The following CDC5L variants were observed in gnomAD, a reference collection of about 807,000 sequenced individuals.
CDC5L encodes cell division cycle 5 like, also known as cell division cycle 5-like protein.
A neutral mutation model predicts 104.1 loss-of-function variants in CDC5L; 18 were observed. The ratio of observed to expected loss-of-function variants is 0.17; its 90% CI spans 0.12 to 0.26. CDC5L has a LOEUF of 0.26. Ranked by LOEUF, CDC5L falls within the 10% of genes least tolerant of loss-of-function variation. CDC5L has a pLI of 1.00. For missense variants in CDC5L, 673 were observed against 956.9 expected (o/e 0.70, Z 3.91); for synonymous variants, 331 against 322.7 (o/e 1.03, Z -0.28).
chr6:44,425,869 C>T (rs1461845495), intron 11 of CDC5L, among the ~76,000 whole-genome samples: 3 of 151,748 alleles, frequency 2.0e-5, no homozygotes, highest in East Asian at 3.9e-4. Context: ...TGGATCCATG[C>T]AAGTTTGGAG....
intron 8 of CDC5L, among the ~76,000 whole-genome samples, chr6:44,415,674 A>ATC: frequency 6.6e-6 from 1 of 152,222 alleles, no homozygotes; most frequent in Non-Finnish European, 1.5e-5. Context: ...TTAAGAACAC[A>ATC]TCTCTTGCAC....
At chr6:44,440,998 A>G (rs1267901253) in intron 14 of CDC5L, among the ~76,000 whole-genome samples, 1 of 152,168 alleles carries the variant, frequency 6.6e-6, no homozygotes, top group Non-Finnish European at 1.5e-5. Context: ...GTGAGCCACC[A>G]TGCCCAGCCT....
chr6:44,426,047 T>C, intron 11 of CDC5L, 56 bp from the exon 12 acceptor site: 1 of 1,195,322 alleles, frequency 8.4e-7, no homozygotes, highest in Non-Finnish European at 1.2e-6. Flanking sequence ...TTAGCTTTAC[T>C]GAGAGATATC....
At chr6:44,412,476 C>G (rs547482487) in intron 8 of CDC5L, among the ~76,000 whole-genome samples, 55 of 152,130 alleles carry the variant, frequency 3.6e-4, no homozygotes, top group African/African-American at 1.3e-3. Context: ...ATCTGCCCGC[C>G]TTGGCCTCTC....
chr6:44,438,356 A>G (rs966499266), intron 14 of CDC5L, among the ~76,000 whole-genome samples: 2 of 152,222 alleles, frequency 1.3e-5, no homozygotes, highest in African/African-American at 2.4e-5. Flanking sequence ...TGAGAAAACA[A>G]CTGATACCTA....
intron 3 of CDC5L, 93 bp from the exon 4 acceptor site, chr6:44,393,353 T>TGGG (rs1554157969): frequency 8.2e-7 from 1 of 1,213,412 alleles, no homozygotes; most frequent in Non-Finnish European, 1.2e-6. Flanking sequence ...TTGGTTTTTT[T>TGGG]GGGGGGAAAA....
chr6:44,433,468 A>G (rs927762414), intron 14 of CDC5L, among the ~76,000 whole-genome samples: 3 of 152,206 alleles, frequency 2.0e-5, no homozygotes. Context: ...TGAAATGAGA[A>G]GTCTGAATTT....
Position 44,409,314 on chromosome 6 carries a change from G to A in CDC5L, c.1092+682G>A, listed in dbSNP as rs577869005. 6.2e-4 allele frequency among the ~76,000 whole-genome samples: 94 copies of A among 152,278 alleles called. 1 individual carries two copies. In the South Asian group the frequency reaches 0.018, roughly 30 times the overall value. On this transcript the variant is annotated intron_variant, in intron 8 of 15. Coordinates refer to ENST00000371477, the MANE Select transcript of CDC5L (RefSeq NM_001253.4). ...CCATTTTCAGTTTTAGGCATTATCT[G>A]TTGTTTTTCTACGTAGAATTTGACA... is the stretch of plus-strand genomic sequence containing the variant.
intron 9 of CDC5L, among the ~76,000 whole-genome samples, 189 bp downstream of exon 9, chr6:44,419,786 C>T (rs1372861866): frequency 6.6e-6 from 1 of 152,084 alleles, no homozygotes; most frequent in Non-Finnish European, 1.5e-5. Flanking sequence ...CCCCCCCTTT[C>T]TTTAAGATGG....
At chr6:44,408,719 GTTTC>G in intron 8 of CDC5L, 87 bp downstream of exon 8, 1 of 943,720 alleles carries the variant, frequency 1.1e-6, no homozygotes, top group Non-Finnish European at 1.5e-6. Context: ...GTTTGGTTGT[GTTTC>G]TTTTAGTGTA....
At chr6:44,414,638 G>GT (rs1004087955) in intron 8 of CDC5L, among the ~76,000 whole-genome samples, 7 of 151,768 alleles carry the variant, frequency 4.6e-5, no homozygotes, top group South Asian at 2.1e-4. Context: ...ACCTGACTGG[G>GT]TTTTTTATAA....
intron 14 of CDC5L, among the ~76,000 whole-genome samples, chr6:44,436,165 T>C (rs1167156159): frequency 1.3e-5 from 2 of 152,210 alleles, no homozygotes; most frequent in African/African-American, 4.8e-5. Flanking sequence ...TAGCAGGTGT[T>C]AGTAAATGGG....
intron 14 of CDC5L, among the ~76,000 whole-genome samples, chr6:44,433,267 G>C (rs9349284): frequency 0.096 from 14,586 of 152,242 alleles, 1,478 homozygotes; most frequent in East Asian, 0.55. Flanking sequence ...GTGGGCTTCA[G>C]TTACCTGGAA....
chr6:44,438,627 T>A (rs1469108696), intron 14 of CDC5L, among the ~76,000 whole-genome samples: 2 of 151,736 alleles, frequency 1.3e-5, no homozygotes, highest in Non-Finnish European at 2.9e-5. Flanking sequence ...TCTTCTTTCC[T>A]TGATGGTGTT....
chr6:44,393,630 C>CA, intron 4 of CDC5L, 57 bp downstream of exon 4: 7 of 1,536,630 alleles, frequency 4.6e-6, no homozygotes, highest in Non-Finnish European at 6.2e-6. Context: ...CCTTGGGCCT[C>CA]ACTCTTTTAG....
intron 11 of CDC5L, 140 bp downstream of exon 11, chr6:44,424,723 A>G: frequency 1.5e-6 from 1 of 684,006 alleles, no homozygotes; most frequent in Non-Finnish European, 2.4e-6. Flanking sequence ...TAAATAACTT[A>G]TGTCATTAAT....
chr6:44,421,322 T>TTTTTTAAGAAGAATCA (rs1792161861), intron 9 of CDC5L, among the ~76,000 whole-genome samples: 1 of 152,254 alleles, frequency 6.6e-6, no homozygotes, highest in African/African-American at 2.4e-5. Context: ...AGAAGAATCT[T>TTTTTTAAGAAGAATCA]TAAAATACAA....
At chr6:44,433,718 A>G (rs1206489492) in intron 14 of CDC5L, among the ~76,000 whole-genome samples, 1 of 152,226 alleles carries the variant, frequency 6.6e-6, no homozygotes, top group African/African-American at 2.4e-5. Flanking sequence ...TAAAGAACAC[A>G]GATAACACAC....
In CDC5L at chr6:44,393,575, T is replaced by C; in HGVS notation, c.439+2T>C. On this transcript the variant is annotated splice_donor_variant, in intron 4 of 15. Coordinates refer to ENST00000371477, the MANE Select transcript of CDC5L (RefSeq NM_001253.4). LOFTEE classifies it high-confidence loss of function. ...CTGATCCAATTGATATGGATGAGGGTAAGTGTATGCTTTGAGGAATTTATT... is the reference window on the plus strand; with the variant it reads ...CTGATCCAATTGATATGGATGAGGGCAAGTGTATGCTTTGAGGAATTTATT... 6.2e-7 allele frequency: 1 copy of C among 1,612,248 alleles called. No individual in the cohort carries two copies. The highest frequency in any genetic ancestry group is 8.5e-7 in the Non-Finnish European group (1 of 1,179,140).
Sources: gnomAD v4.1 joint callset for allele counts (sites outside exome capture counted in the v4.1 genomes callset) on GRCh38, gnomAD v4.1.1 for gene constraint, MANE v1.5 for transcripts, NCBI Gene and HGNC (gene_info 2026-07-23, HGNC 2026-07-21) for gene names.